Variants in COL19A1 observed in about 807,000 individuals in gnomAD.
The protein encoded by COL19A1 is collagen type XIX alpha 1 chain, also known as collagen alpha-1(XIX) chain.
A neutral mutation model predicts 190.2 loss-of-function variants in COL19A1; 159 were observed. That is an observed-to-expected ratio of 0.84 (90% CI 0.73 to 0.95). The LOEUF is 0.95. COL19A1 is among the 40% of genes least tolerant of loss of function. The pLI is 0.00. For synonymous variants in COL19A1, 509 were observed against 458.9 expected (o/e 1.11, Z -1.39); for missense variants, 1,418 against 1,431.9 (o/e 0.99, Z 0.16).
rs544342400 is a variant in COL19A1 at position 70,117,968 on chromosome 6, A to G, written c.1279-3912A>G. The stretch of plus-strand genomic sequence containing the variant: ...CCTCTGCAGTTGGCCTCTCTTCACC[A>G]CTGGACCTGGGTCATCTAAGTGTCT... On this transcript the variant is annotated intron_variant, in intron 16 of 50. Transcript: ENST00000620364. Among the ~76,000 whole-genome samples the G allele has an allele frequency of 8.5e-5, 13 of 152,292 alleles. No homozygotes were observed. The South Asian group carries it at 2.1e-3, about 24-fold the overall frequency.
intron 15 of COL19A1, among the ~76,000 whole-genome samples, chr6:70,082,994 C>T (rs554576445): frequency 1.3e-5 from 2 of 152,256 alleles, no homozygotes; most frequent in South Asian, 2.1e-4. Context: ...AATGCTCGCC[C>T]GCCACTCACC....
chr6:70,159,329 C>T (rs1195931554), intron 34 of COL19A1, among the ~76,000 whole-genome samples: 2 of 151,768 alleles, frequency 1.3e-5, no homozygotes, highest in Non-Finnish European at 2.9e-5. Context: ...AACCTGCATA[C>T]AAGTTAATGT....
At chr6:69,971,244 T>C (rs980063581) in intron 11 of COL19A1, among the ~76,000 whole-genome samples, 2 of 152,234 alleles carry the variant, frequency 1.3e-5, no homozygotes, top group African/African-American at 4.8e-5. Context: ...AATATTTCAC[T>C]ATATAAATAC....
At chr6:70,191,823 T>A (rs961934415) in intron 48 of COL19A1, among the ~76,000 whole-genome samples, 9 of 152,152 alleles carry the variant, frequency 5.9e-5, no homozygotes, top group African/African-American at 1.7e-4. Flanking sequence ...TTTTAAGGAA[T>A]AAGATTATAA....
chr6:70,029,385 G>A (rs3805987), intron 12 of COL19A1, among the ~76,000 whole-genome samples: 14,392 of 152,012 alleles, frequency 0.095, 756 homozygotes, highest in East Asian at 0.2. Flanking sequence ...TTTAGATAAC[G>A]GTTTCTGCCT....
chr6:69,913,672 A>C (rs1436373864), intron 4 of COL19A1, among the ~76,000 whole-genome samples: 1 of 152,178 alleles, frequency 6.6e-6, no homozygotes, highest in African/African-American at 2.4e-5. Flanking sequence ...GAATGTCTGG[A>C]GGTAGAGAAG....
At chr6:70,110,741 T>C (rs1235853092) in intron 16 of COL19A1, among the ~76,000 whole-genome samples, 1 of 152,198 alleles carries the variant, frequency 6.6e-6, no homozygotes, top group African/African-American at 2.4e-5. Flanking sequence ...TAGGACATTA[T>C]TAGTCACTTT....
At chr6:69,962,799 T>C (rs759898490) in intron 10 of COL19A1, 27 bp from the exon 11 acceptor site, 3 of 1,537,434 alleles carry the variant, frequency 2.0e-6, no homozygotes, top group Non-Finnish European at 2.7e-6. Flanking sequence ...TTTTTATTAC[T>C]ATACACATCA....
intron 16 of COL19A1, among the ~76,000 whole-genome samples, chr6:70,116,644 G>A (rs1472534706): frequency 6.9e-6 from 1 of 143,946 alleles, no homozygotes; most frequent in Middle Eastern, 3.5e-3. Flanking sequence ...GCTTCCTAAT[G>A]ACTGTTTTTT....
intron 10 of COL19A1, among the ~76,000 whole-genome samples, chr6:69,962,410 G>T (rs997699417): frequency 1.3e-5 from 2 of 152,144 alleles, no homozygotes; most frequent in African/African-American, 2.4e-5. Context: ...TGCCATAGAA[G>T]TCAGCTTTCT....
chr6:69,921,293 TATATATC>T (rs1249461722), intron 4 of COL19A1, among the ~76,000 whole-genome samples: 45 of 131,280 alleles, frequency 3.4e-4, no homozygotes, highest in South Asian at 1.4e-3. Context: ...TCATATATCA[TATATATC>T]ATATATCATA....
intron 16 of COL19A1, among the ~76,000 whole-genome samples, chr6:70,117,377 A>C (rs967069957): frequency 3.9e-5 from 6 of 152,212 alleles, no homozygotes; most frequent in Admixed American, 3.9e-4. Flanking sequence ...AAATCTACTA[A>C]GGGAATGATA....
chr6:70,097,010 T>C (rs1783317835), intron 15 of COL19A1, among the ~76,000 whole-genome samples: 1 of 152,134 alleles, frequency 6.6e-6, no homozygotes, highest in Non-Finnish European at 1.5e-5. Flanking sequence ...CTGCATATCA[T>C]CCTTTAAGTC....
intron 15 of COL19A1, among the ~76,000 whole-genome samples, chr6:70,087,888 A>G (rs1255102194): frequency 3.3e-5 from 5 of 152,220 alleles, no homozygotes; most frequent in Non-Finnish European, 2.9e-5. Context: ...AGCACATGCT[A>G]TGTAAGGTTT....
At chr6:69,900,848 A>C (rs977190257) in intron 4 of COL19A1, among the ~76,000 whole-genome samples, 2 of 152,172 alleles carry the variant, frequency 1.3e-5, no homozygotes, top group African/African-American at 4.8e-5. Context: ...ATACTCATTT[A>C]ATTTTAAAAT....
chr6:70,109,238 T>C (rs1784143556), intron 16 of COL19A1, among the ~76,000 whole-genome samples: 1 of 152,096 alleles, frequency 6.6e-6, no homozygotes, highest in Non-Finnish European at 1.5e-5. Flanking sequence ...TACCATCTAA[T>C]TGAGGTGGTC....
intron 4 of COL19A1, among the ~76,000 whole-genome samples, chr6:69,920,995 TATATATATC>T (rs1287460428): frequency 2.1e-5 from 1 of 48,282 alleles, no homozygotes; most frequent in Non-Finnish European, 3.1e-5. Flanking sequence ...TATATATTCA[TATATATATC>T]ATATATATTC....
chr6:70,089,130 C>A (rs1442005768), intron 15 of COL19A1, among the ~76,000 whole-genome samples: 1 of 152,100 alleles, frequency 6.6e-6, no homozygotes, highest in Non-Finnish European at 1.5e-5. Flanking sequence ...TGTGTTTTCT[C>A]TTTTGAATGG....
At chr6:69,897,440 G>A (rs1769861417) in intron 2 of COL19A1, among the ~76,000 whole-genome samples, 2 of 147,934 alleles carry the variant, frequency 1.4e-5, no homozygotes, top group Non-Finnish European at 3.0e-5. Context: ...GTAAATTTGA[G>A]AATCAGCTTG....
Sources: allele counts gnomAD v4.1 joint callset (sites outside exome capture counted in the v4.1 genomes callset), GRCh38; gene constraint gnomAD v4.1.1; transcripts MANE v1.5; gene names NCBI Gene and HGNC (gene_info 2026-07-23, HGNC 2026-07-21).